The following FBXL4 variants were observed in gnomAD, a reference collection of about 807,000 sequenced individuals.
FBXL4 encodes the protein F-box and leucine rich repeat protein 4, also known as F-box/LRR-repeat protein 4.
FBXL4 carries 40 observed loss-of-function variants against 58.9 expected under a neutral mutation model. The observed-to-expected ratio is 0.68, with a 90% CI of 0.53 to 0.88. The LOEUF is 0.88. Ranked by LOEUF, FBXL4 falls within the 40% of genes least tolerant of loss-of-function variation. The pLI is 0.00. For synonymous variants in FBXL4, 263 were observed against 265.5 expected (o/e 0.99, Z 0.09); for missense variants, 676 against 734.4 (o/e 0.92, Z 0.92).
rs1046966064 is a variant in FBXL4, at chr6:98,908,980, C to A, written c.859-3310G>T. ...TATCACACTTCTTTTCCAGAATGTT[C>A]CTGAGTATTTTCATATTTTTAGGCA... On this transcript the variant is annotated intron_variant, in intron 5 of 9. Transcript: ENST00000369244. 2.0e-5 allele frequency among the ~76,000 whole-genome samples: 3 copies of A among 146,846 alleles called. No homozygotes were observed. The South Asian group carries it at 6.6e-4, about 33-fold the overall frequency.
chr6:98,910,271 C>G (rs1372057495), intron 5 of FBXL4, among the ~76,000 whole-genome samples: 1 of 152,160 alleles, frequency 6.6e-6, no homozygotes, highest in Non-Finnish European at 1.5e-5. Flanking sequence ...CATTTGATAT[C>G]TGGGAGCCTG....
In FBXL4 at chr6:98,926,492, G is replaced by A; in HGVS notation, c.497C>T (p.Pro166Leu). Residue 166 changes from proline (P) to leucine (L), a missense_variant, in exon 4 of 10, where the codon CCA (proline) becomes CTA (leucine). Transcript: ENST00000369244. ...ACSANPYSPN[P>L]PAEVRWEILW... The stretch of plus-strand genomic sequence containing the variant: ...TTAGTCTTACCTTACTTCAGCTGGT[G>A]GATTTGGGGAATAAGGATTTGCAGA... 6.2e-7 allele frequency: 1 copy of A among 1,606,402 alleles called. No homozygotes were observed. The highest frequency in any genetic ancestry group is 8.5e-7 in the Non-Finnish European group (1 of 1,174,646).
chr6:98,880,492 A>G, intron 8 of FBXL4, 61 bp downstream of exon 8: 1 of 1,376,666 alleles, frequency 7.3e-7, no homozygotes, highest in Non-Finnish European at 1.0e-6. Context: ...GATACATTTC[A>G]CCCATAGGAA....
chr6:98,935,564 TG>T (rs1368206331), intron 1 of FBXL4, among the ~76,000 whole-genome samples: 2 of 147,058 alleles, frequency 1.4e-5, no homozygotes, highest in African/African-American at 5.0e-5. Context: ...CCGAGGCGGG[TG>T]GATCATGAGG....
chr6:98,939,933 T>C (rs940309303), intron 1 of FBXL4, among the ~76,000 whole-genome samples: 1 of 152,216 alleles, frequency 6.6e-6, no homozygotes, highest in Non-Finnish European at 1.5e-5. Flanking sequence ...CTCACTGCAA[T>C]AGTAACTGGA....
rs1160031458 is a variant in FBXL4 at position 98,868,651 on chromosome 6, TACAG to T, written c.*5623_*5626del. The stretch of plus-strand genomic sequence containing the variant: ...AAAATTAAAATATCTCAGTCGTCTG[TACAG>T]ACAACTTCATTTGTAACAGAGACTT... On this transcript the variant is annotated 3_prime_UTR_variant, in exon 10 of 10. Coordinates refer to ENST00000369244, the MANE Select transcript of FBXL4 (RefSeq NM_001278716.2). 1 of 152,208 alleles carries T rather than the reference TACAG, an allele frequency of 6.6e-6. No individual in the cohort carries two copies. Among genetic ancestry groups the T allele is most frequent in the African/African-American group, 2.4e-5 (1 of 41,468 alleles). The allele number at this position is 152,208 out of a possible 1,614,324, so 9.4% of individuals were successfully genotyped here.
chr6:98,881,985 T>C (rs1770871604), intron 7 of FBXL4, among the ~76,000 whole-genome samples: 1 of 152,044 alleles, frequency 6.6e-6, no homozygotes. Flanking sequence ...TTTTATAAGA[T>C]TTTCCCTTAA....
chr6:98,916,652 G>T (rs1467941962), intron 5 of FBXL4, among the ~76,000 whole-genome samples: 1 of 151,162 alleles, frequency 6.6e-6, no homozygotes, highest in Admixed American at 6.6e-5. Context: ...GGAACATCAC[G>T]CTCTGGGGAC....
At chr6:98,913,993 G>A (rs1041231997) in intron 5 of FBXL4, among the ~76,000 whole-genome samples, 16 of 152,106 alleles carry the variant, frequency 1.1e-4, no homozygotes, top group African/African-American at 2.4e-4. Flanking sequence ...TATCACCACC[G>A]ATCCCACAGA....
intron 7 of FBXL4, among the ~76,000 whole-genome samples, chr6:98,890,576 T>C (rs1349679993): frequency 6.6e-6 from 1 of 152,194 alleles, no homozygotes; most frequent in Non-Finnish European, 1.5e-5. Context: ...TAAATTTTTT[T>C]TGGCTCCACT....
intron 5 of FBXL4, among the ~76,000 whole-genome samples, chr6:98,915,134 G>A (rs556265985): frequency 1.9e-3 from 287 of 152,148 alleles, no homozygotes; most frequent in African/African-American, 6.7e-3. Context: ...ACCTATTCAA[G>A]GAGAACTACA....
chr6:98,947,897 T>C lies in FBXL4; in HGVS notation c.-400A>G, dbSNP rs1267189973. Reference sequence around the variant, plus strand: ...GGGTGCGGGGGCGGCTCCCCGACTCTCTAGATGCGGCACAACCGCCGCAAG... The same window carrying C: ...GGGTGCGGGGGCGGCTCCCCGACTCCCTAGATGCGGCACAACCGCCGCAAG... On this transcript the variant is annotated 5_prime_UTR_variant, in exon 1 of 10. Transcript: ENST00000369244. 6.6e-6 allele frequency: 1 copy of C among 151,238 alleles called. No homozygotes were observed. The highest frequency in any genetic ancestry group is 2.0e-4 in the East Asian group (1 of 5,090). 9.4% of individuals were successfully genotyped at this position (151,238 alleles called of 1,614,324 possible).
chr6:98,942,600 T>C (rs1322239904), intron 1 of FBXL4, among the ~76,000 whole-genome samples: 3 of 152,124 alleles, frequency 2.0e-5, no homozygotes, highest in Non-Finnish European at 4.4e-5. Flanking sequence ...GCCACAATGA[T>C]TGTAAATTTC....
intron 7 of FBXL4, among the ~76,000 whole-genome samples, chr6:98,893,684 T>C (rs1431925061): frequency 6.6e-6 from 1 of 152,210 alleles, no homozygotes; most frequent in Admixed American, 6.5e-5. Flanking sequence ...CTTTCACTTA[T>C]AATGCCCCAG....
At chr6:98,877,439 A>G (rs1770699731) in intron 8 of FBXL4, among the ~76,000 whole-genome samples, 1 of 152,200 alleles carries the variant, frequency 6.6e-6, no homozygotes, top group African/African-American at 2.4e-5. Flanking sequence ...ACAGTGAGAA[A>G]TTCCTTCAAG....
chr6:98,941,354 GGAAAAGGCAAATA>G (rs1452886266), intron 1 of FBXL4, among the ~76,000 whole-genome samples: 1 of 151,394 alleles, frequency 6.6e-6, no homozygotes, highest in Non-Finnish European at 1.5e-5. Context: ...GTGATACTTT[GGAAAAGGCAAATA>G]GGAAAGGCAG....
At chr6:98,903,156 GTCT>G (rs1225743710) in intron 6 of FBXL4, among the ~76,000 whole-genome samples, 1 of 152,018 alleles carries the variant, frequency 6.6e-6, no homozygotes, top group Non-Finnish European at 1.5e-5. Flanking sequence ...TTACAAATAA[GTCT>G]TCTTCATAGT....
At chr6:98,939,135 A>C (rs908009798) in intron 1 of FBXL4, among the ~76,000 whole-genome samples, 1 of 145,776 alleles carries the variant, frequency 6.9e-6, no homozygotes, top group African/African-American at 2.5e-5. Context: ...GACAGGAGGG[A>C]GGGAGGAAGG....
chr6:98,881,731 G>A (rs1185107486), intron 7 of FBXL4, among the ~76,000 whole-genome samples: 2 of 151,960 alleles, frequency 1.3e-5, no homozygotes, highest in East Asian at 3.9e-4. Context: ...TCATTATTGA[G>A]CATTTCTTTG....
Sources: allele counts gnomAD v4.1 joint callset (sites outside exome capture counted in the v4.1 genomes callset), GRCh38; gene constraint gnomAD v4.1.1; transcripts MANE v1.5; gene names NCBI Gene and HGNC (gene_info 2026-07-23, HGNC 2026-07-21).